The following UTS2B variants were observed in gnomAD, a reference collection of about 807,000 sequenced individuals.
UTS2B encodes urotensin 2B.
A neutral mutation model predicts 19.2 loss-of-function variants in UTS2B; 21 were observed. The observed-to-expected ratio is 1.09, with a 90% CI of 0.78 to 1.58. UTS2B has a LOEUF of 1.58. Ranked by LOEUF, UTS2B falls within the 40% of genes most tolerant of loss-of-function variation. The pLI is 0.00. For synonymous variants in UTS2B, 57 were observed against 50.2 expected, an observed-to-expected ratio of 1.14 and a Z score of -0.58; for missense variants, 138 against 130.3, an observed-to-expected ratio of 1.06 and a Z score of -0.29.
chr3:191,287,349 C>T (rs912240622), intron 4 of UTS2B, among the ~76,000 whole-genome samples: 1 of 151,998 alleles, frequency 6.6e-6, no homozygotes, highest in Non-Finnish European at 1.5e-5. Context: ...ACACAAAAAT[C>T]CTCAGCAAAA....
intron 4 of UTS2B, among the ~76,000 whole-genome samples, chr3:191,295,240 C>T (rs1177443679): frequency 6.6e-6 from 1 of 151,972 alleles, no homozygotes; most frequent in African/African-American, 2.4e-5. Context: ...TCACTTTCAT[C>T]TTTCCCTTCA....
the UTS2B span, among the ~76,000 whole-genome samples, chr3:191,343,502 A>G: frequency 6.7e-4 from 102 of 152,330 alleles, 1 homozygote; most frequent in African/African-American, 2.4e-3. Context: ...AATTTTATAA[A>G]CCCATTTAAA....
chr3:191,318,374 T>C (rs1477774240), intron 2 of UTS2B, among the ~76,000 whole-genome samples: 1 of 152,242 alleles, frequency 6.6e-6, no homozygotes, highest in Non-Finnish European at 1.5e-5. Context: ...AGAAAAGGAA[T>C]TTCCTAAACT....
intron 1 of UTS2B, among the ~76,000 whole-genome samples, chr3:191,330,182 C>A (rs1295655555): frequency 2.6e-5 from 4 of 152,138 alleles, no homozygotes; most frequent in Non-Finnish European, 5.9e-5. Flanking sequence ...CCCTACTTTT[C>A]CTAGGCCGGC....
chr3:191,345,426 T>C, the UTS2B span, among the ~76,000 whole-genome samples: 2 of 152,222 alleles, frequency 1.3e-5, no homozygotes, highest in Admixed American at 1.3e-4. Context: ...TGTTTCTACC[T>C]TGCTACCTTT....
the UTS2B span, among the ~76,000 whole-genome samples, chr3:191,339,762 T>C: frequency 2.6e-3 from 390 of 152,358 alleles, 2 homozygotes; most frequent in African/African-American, 9.2e-3. Context: ...ACTGATAACA[T>C]GGTCTCCATT....
At chr3:191,333,992 A>G (rs773920052), upstream of UTS2B, among the ~76,000 whole-genome samples, 4 of 152,194 alleles carry the variant, frequency 2.6e-5, no homozygotes, top group African/African-American at 7.2e-5. Context: ...ATAATCATTA[A>G]GAATAGAATT....
chr3:191,282,148 T>C lies in UTS2B; in HGVS notation c.42A>G (p.Leu14=), dbSNP rs1553827288. 1 of 1,613,490 alleles carries C rather than the reference T, an allele frequency of 6.2e-7. No homozygotes were observed. The highest frequency in any genetic ancestry group is 2.2e-5 in the East Asian group (1 of 44,814). Residue 14 remains leucine (L), a synonymous_variant, in exon 5 of 9, where the codon CTA becomes CTG. Transcript: ENST00000340524. ...AAAAACTCAACACGGATAACAAAGTTAGGAGTCCAAAGCAAACAGTGCTTG... is the reference window on the plus strand; with the variant it reads ...AAAAACTCAACACGGATAACAAAGTCAGGAGTCCAAAGCAAACAGTGCTTG... ...ILSSTVCFGL[L]TLLSVLSFLQ...
chr3:191,292,518 T>C (rs1318829631), intron 4 of UTS2B, among the ~76,000 whole-genome samples: 1 of 152,240 alleles, frequency 6.6e-6, no homozygotes, highest in African/African-American at 2.4e-5. Flanking sequence ...GCAATCTTGC[T>C]GAACCCATTT....
At chr3:191,299,874 C>T (rs921946707) in intron 4 of UTS2B, among the ~76,000 whole-genome samples, 3 of 152,192 alleles carry the variant, frequency 2.0e-5, no homozygotes, top group Non-Finnish European at 4.4e-5. Context: ...GTGGAGCTGC[C>T]CAAGACCTTG....
intron 2 of UTS2B, among the ~76,000 whole-genome samples, chr3:191,316,807 C>T (rs1178214484): frequency 1.3e-5 from 2 of 152,196 alleles, no homozygotes; most frequent in South Asian, 2.1e-4. Flanking sequence ...ATTTACAAAC[C>T]TTGAGCTAGA....
At chr3:191,289,349 C>T (rs924646813) in intron 4 of UTS2B, among the ~76,000 whole-genome samples, 18 of 151,832 alleles carry the variant, frequency 1.2e-4, no homozygotes, top group Non-Finnish European at 2.5e-4. Context: ...ACAGAGCTTG[C>T]AGTGAGTGGA....
intron 5 of UTS2B, 72 bp downstream of exon 5, chr3:191,282,015 A>G: frequency 8.8e-6 from 10 of 1,132,786 alleles, no homozygotes; most frequent in South Asian, 7.0e-5. Flanking sequence ...TGGCAGAAAA[A>G]TCAAATTTGT....
At chr3:191,293,406 T>A (rs1343857666) in intron 4 of UTS2B, among the ~76,000 whole-genome samples, 1 of 152,248 alleles carries the variant, frequency 6.6e-6, no homozygotes, top group African/African-American at 2.4e-5. Flanking sequence ...CTTGAAATAC[T>A]GATTCAACCT....
At chr3:191,286,960 T>C (rs77752990) in intron 4 of UTS2B, among the ~76,000 whole-genome samples, 6,394 of 151,882 alleles carry the variant, frequency 0.042, 453 homozygotes, top group African/African-American at 0.15. Context: ...CAATTGATCA[T>C]GAGACCACTA....
intron 4 of UTS2B, among the ~76,000 whole-genome samples, chr3:191,293,288 CTCTTT>C (rs1289833268): frequency 1.8e-4 from 27 of 152,276 alleles, no homozygotes; most frequent in Admixed American, 1.5e-3. Context: ...ATGGTCTCTT[CTCTTT>C]TAAGTTTTTG....
chr3:191,277,223 G>A (rs1036984096), intron 6 of UTS2B, among the ~76,000 whole-genome samples: 6 of 152,022 alleles, frequency 3.9e-5, no homozygotes, highest in Non-Finnish European at 7.4e-5. Flanking sequence ...TAATTCAATC[G>A]AGAAGAAAAT....
At chr3:191,319,001 C>A (rs1016658487) in intron 2 of UTS2B, among the ~76,000 whole-genome samples, 4 of 151,916 alleles carry the variant, frequency 2.6e-5, no homozygotes, top group Non-Finnish European at 5.9e-5. Flanking sequence ...TTTTGAGGTA[C>A]ATATACATTT....
chr3:191,312,425 G>A (rs1717329384), intron 3 of UTS2B, among the ~76,000 whole-genome samples: 2 of 152,160 alleles, frequency 1.3e-5, no homozygotes, highest in Admixed American at 1.3e-4. Flanking sequence ...GGACAGGACT[G>A]ATTCTGCTGG....
Sources: gnomAD v4.1 joint callset for allele counts (sites outside exome capture counted in the v4.1 genomes callset) on GRCh38, gnomAD v4.1.1 for gene constraint, MANE v1.5 for transcripts, NCBI Gene and HGNC (gene_info 2026-07-23, HGNC 2026-07-21) for gene names.